Variants in DLG2 observed in about 807,000 individuals in gnomAD.
DLG2 encodes the protein disks large homolog 2.
DLG2 carries 45 observed loss-of-function variants against 132.5 expected under a neutral mutation model. That is an observed-to-expected ratio of 0.34 (90% confidence interval 0.27 to 0.44). The LOEUF (loss-of-function observed/expected upper bound fraction) is 0.44, where lower values mean the gene tolerates loss of function less well. DLG2 is among the 20% of genes least tolerant of loss of function. The probability of loss-of-function intolerance (pLI) is 1.00; values close to 1 mark genes in which losing one functional copy is unlikely to be tolerated. For missense variants in DLG2, 1,045 were observed against 1,196.9 expected (o/e 0.87, Z 1.87); for synonymous variants, 424 against 419.6 (o/e 1.01, Z -0.13).
At chr11:84,499,681 A>C (rs2154502577) in intron 7 of DLG2, among the ~76,000 whole-genome samples, 1 of 152,298 alleles carries the variant, frequency 6.6e-6, no homozygotes, top group African/African-American at 2.4e-5. Flanking sequence ...AGATCAAAGC[A>C]GATACTTACA....
intron 7 of DLG2, among the ~76,000 whole-genome samples, chr11:84,296,617 T>C (rs1416567718): frequency 6.6e-6 from 1 of 152,084 alleles, no homozygotes; most frequent in African/African-American, 2.4e-5. Flanking sequence ...TTATTTTACT[T>C]TTTGTAGAGA....
chr11:84,279,290 A>G (rs879511115), intron 7 of DLG2, among the ~76,000 whole-genome samples: 14 of 152,162 alleles, frequency 9.2e-5, no homozygotes, highest in Non-Finnish European at 1.3e-4. Context: ...CAGAATGGTC[A>G]TCATTAAAAA....
intron 6 of DLG2, among the ~76,000 whole-genome samples, chr11:84,605,410 T>C (rs963930586): frequency 6.6e-6 from 1 of 151,948 alleles, no homozygotes; most frequent in Non-Finnish European, 1.5e-5. Context: ...TCAATGATAA[T>C]AGTTACTTTT....
chr11:83,608,987 C>T (rs2059733424), intron 19 of DLG2, among the ~76,000 whole-genome samples: 3 of 152,094 alleles, frequency 2.0e-5, no homozygotes, highest in Admixed American at 2.0e-4. Context: ...GATAGCAAGC[C>T]GTCAGCACAT....
chr11:84,014,894 G>C (rs959359946), intron 11 of DLG2, among the ~76,000 whole-genome samples: 8 of 150,842 alleles, frequency 5.3e-5, no homozygotes, highest in African/African-American at 2.0e-4. Context: ...CATCTACACA[G>C]CATATCTCCA....
intron 8 of DLG2, among the ~76,000 whole-genome samples, chr11:84,177,962 G>A (rs535148454): frequency 6.6e-6 from 1 of 151,390 alleles, no homozygotes; most frequent in South Asian, 2.1e-4. Flanking sequence ...TCTGGACTTT[G>A]AAAACTGACT....
At chr11:85,268,529 A>AC in intron 4 of DLG2, among the ~76,000 whole-genome samples, 1 of 152,316 alleles carries the variant, frequency 6.6e-6, no homozygotes, top group Middle Eastern at 3.4e-3. Context: ...AGGCTGTGTC[A>AC]CAGGTGCATG....
At position 84,156,920 on chromosome 11, in the gene DLG2, C is replaced by G. The variant is rs542611985; in HGVS notation, c.624+6541G>C. On this transcript the variant is annotated intron_variant, in intron 9 of 27. Transcript: ENST00000376104. ...TCATTAGATATCTGATTTATTTAGA[C>G]CAAATTCTTTTATCTCACATTGTTG... Among the ~76,000 whole-genome samples, 7 of 152,222 alleles carry G rather than the reference C, an allele frequency of 4.6e-5. 1 individual carries two copies. In the South Asian group the frequency reaches 1.0e-3, roughly 23 times the overall value.
At chr11:83,656,853 T>G (rs2072610894) in intron 18 of DLG2, among the ~76,000 whole-genome samples, 1 of 152,204 alleles carries the variant, frequency 6.6e-6, no homozygotes, top group Admixed American at 6.5e-5. Flanking sequence ...CACTCACTGA[T>G]GCAGAGGCCA....
At chr11:84,013,943 C>T (rs538807918) in intron 11 of DLG2, among the ~76,000 whole-genome samples, 1 of 147,992 alleles carries the variant, frequency 6.8e-6, no homozygotes, top group African/African-American at 2.5e-5. Context: ...TCATAACTGT[C>T]TTGACTGGAC....
At chr11:84,378,993 C>CAA (rs200819218) in intron 7 of DLG2, among the ~76,000 whole-genome samples, 2 of 140,956 alleles carry the variant, frequency 1.4e-5, no homozygotes, top group South Asian at 4.5e-4. Context: ...CAAACAATAA[C>CAA]AAAAAAAAAA....
intron 3 of DLG2, among the ~76,000 whole-genome samples, chr11:85,490,012 A>T (rs2093520504): frequency 6.6e-6 from 1 of 152,122 alleles, no homozygotes; most frequent in Admixed American, 6.6e-5. Flanking sequence ...ACAAAGCAAG[A>T]TCCTTGTCTC....
chr11:84,361,600 T>C (rs1006831701), intron 7 of DLG2, among the ~76,000 whole-genome samples: 1 of 151,986 alleles, frequency 6.6e-6, no homozygotes, highest in Non-Finnish European at 1.5e-5. Flanking sequence ...CGTATATCTA[T>C]ACACAGAATT....
chr11:85,218,768 A>G (rs1182444599), intron 4 of DLG2, among the ~76,000 whole-genome samples: 1 of 152,200 alleles, frequency 6.6e-6, no homozygotes, highest in Non-Finnish European at 1.5e-5. Context: ...ATGAACTCAT[A>G]TGTTCCTGGA....
intron 19 of DLG2, among the ~76,000 whole-genome samples, chr11:83,600,237 GT>G (rs1342467066): frequency 1.0e-4 from 1 of 9,872 alleles, no homozygotes; most frequent in Non-Finnish European, 1.7e-4. Context: ...TAGCTATAGG[GT>G]GTGTGTGTGT....
rs2063497489 is a variant in DLG2, at chr11:83,631,184, T to TTTC, written c.1940+2026_1940+2027insGAA. 6 of 150,336 alleles carry TTTC rather than the reference T, an allele frequency of 4.0e-5. No individual in the cohort carries two copies. In the South Asian group the frequency reaches 1.3e-3, roughly 32 times the overall value. 9.3% of individuals were successfully genotyped at this position (150,336 alleles called of 1,614,324 possible). A position where few individuals can be genotyped will look rare whatever the true frequency, so the allele number is the denominator to read the frequency against. Reference sequence around the variant, plus strand: ...GCTTCTTGCTTTTTTTTTTTTTTTTTTTTGGTCTGTTTTATCACTTTTCAT... The same window carrying TTTC: ...GCTTCTTGCTTTTTTTTTTTTTTTTTTTCTTTGGTCTGTTTTATCACTTTTCAT... On this transcript the variant is annotated intron_variant, in intron 19 of 27. Transcript: ENST00000376104.
chr11:83,860,985 T>C (rs1027307680), intron 16 of DLG2, among the ~76,000 whole-genome samples: 2 of 152,208 alleles, frequency 1.3e-5, no homozygotes, highest in Non-Finnish European at 2.9e-5. Flanking sequence ...TCCACCATGA[T>C]TGTGAGGCCT....
rs562494253 is a variant in DLG2 at position 84,727,721 on chromosome 11, T to C, written c.358-192990A>G. ...CCATTTTCCCAATATTGATTAATTC[T>C]ATCCATGAGAATGAAGGTTTTTACA... On this transcript the variant is annotated intron_variant, in intron 6 of 27. Transcript: ENST00000376104. Among the ~76,000 whole-genome samples, 4 of 152,348 alleles carry C rather than the reference T, an allele frequency of 2.6e-5. No homozygotes were observed. In the South Asian group the frequency reaches 6.2e-4, roughly 24 times the overall value.
At chr11:84,212,414 G>C (rs1354058951) in intron 8 of DLG2, among the ~76,000 whole-genome samples, 1 of 152,142 alleles carries the variant, frequency 6.6e-6, no homozygotes, top group African/African-American at 2.4e-5. Context: ...CACAATTGCT[G>C]CAATCCCCCT....
Sources: gnomAD v4.1 joint callset for allele counts (sites outside exome capture counted in the v4.1 genomes callset) on GRCh38, gnomAD v4.1.1 for gene constraint, MANE v1.5 for transcripts, NCBI Gene and HGNC (gene_info 2026-07-23, HGNC 2026-07-21) for gene names.